Variants in FILIP1 observed in about 807,000 individuals in gnomAD.
The protein encoded by FILIP1 is filamin A interacting protein 1.
FILIP1 carries 61 observed loss-of-function variants against 102.1 expected under a neutral mutation model. The observed-to-expected ratio is 0.60, with a 90% CI of 0.49 to 0.74. FILIP1 has a LOEUF of 0.74. Ranked by LOEUF, FILIP1 falls within the 30% of genes least tolerant of loss-of-function variation. FILIP1 has a pLI of 0.00. For synonymous variants in FILIP1, 491 were observed against 526.9 expected (o/e 0.93, Z 0.93); for missense variants, 1,314 against 1,441.2 (o/e 0.91, Z 1.43).
At chr6:75,460,357 G>A (rs921659908) in intron 1 of FILIP1, among the ~76,000 whole-genome samples, 4 of 152,032 alleles carry the variant, frequency 2.6e-5, no homozygotes, top group East Asian at 1.9e-4. Context: ...AAAGGTATTC[G>A]GCTCTTAATA....
chr6:75,460,440 GA>G (rs1222975393), intron 1 of FILIP1, among the ~76,000 whole-genome samples: 1 of 152,040 alleles, frequency 6.6e-6, no homozygotes, highest in Non-Finnish European at 1.5e-5. Context: ...ATTATTTGGG[GA>G]AAAATCTATT....
chr6:75,327,626 T>A (rs1773914596), intron 4 of FILIP1, among the ~76,000 whole-genome samples: 1 of 150,440 alleles, frequency 6.6e-6, no homozygotes, highest in Non-Finnish European at 1.5e-5. Flanking sequence ...TTCAAAACAC[T>A]CTCCAGATCT....
intron 4 of FILIP1, among the ~76,000 whole-genome samples, chr6:75,352,328 G>A (rs1312913179): frequency 6.6e-6 from 1 of 152,102 alleles, no homozygotes; most frequent in East Asian, 1.9e-4. Context: ...TCAAAGCATG[G>A]GGATTCAATA....
chr6:75,469,454 T>A (rs1779268887), intron 1 of FILIP1, among the ~76,000 whole-genome samples: 1 of 151,938 alleles, frequency 6.6e-6, no homozygotes, highest in Non-Finnish European at 1.5e-5. Context: ...TATTCAAATA[T>A]ACTCCCCTCT....
rs191431789 is a variant in FILIP1 at position 75,317,561 on chromosome 6, G to A, written c.630-2359C>T. Among the ~76,000 whole-genome samples, 8 of 152,230 alleles carry A rather than the reference G, an allele frequency of 5.3e-5. No homozygotes were observed. In the East Asian group the frequency reaches 1.5e-3, roughly 29 times the overall value. On this transcript the variant is annotated intron_variant, in intron 4 of 5. Transcript: ENST00000237172. ...CCTGTCTTTGATAGTAAAACTTGGG[G>A]CACTAATGTTTCAGCCAGAGAAAAG... is the stretch of plus-strand genomic sequence containing the variant.
intron 4 of FILIP1, among the ~76,000 whole-genome samples, chr6:75,335,207 T>C (rs1203141934): frequency 6.6e-6 from 1 of 152,148 alleles, no homozygotes; most frequent in Non-Finnish European, 1.5e-5. Flanking sequence ...AGGTACATGG[T>C]ATCTAAATGA....
At chr6:75,374,513 G>A (rs1775688164) in intron 2 of FILIP1, among the ~76,000 whole-genome samples, 1 of 152,142 alleles carries the variant, frequency 6.6e-6, no homozygotes, top group Non-Finnish European at 1.5e-5. Flanking sequence ...TGAGTAGCTG[G>A]GACTACAGGC....
intron 6 of FILIP1, among the ~76,000 whole-genome samples, chr6:75,301,060 G>A (rs931142424): frequency 4.5e-4 from 68 of 152,140 alleles, no homozygotes; most frequent in African/African-American, 1.5e-3. Context: ...GCATGCTGAG[G>A]TTCTACTCTT....
At position 75,320,529 on chromosome 6, in the gene FILIP1, A is replaced by T. The variant is rs1582337901; in HGVS notation, c.630-5327T>A. ...GAGGCAGAGGTTGCAGTGAGCCGAGATCACATCACTGCACTCCATCCCGGG... is the reference window on the plus strand; with the variant it reads ...GAGGCAGAGGTTGCAGTGAGCCGAGTTCACATCACTGCACTCCATCCCGGG... On this transcript the variant is annotated intron_variant, in intron 4 of 5. Coordinates refer to ENST00000237172, the MANE Select transcript of FILIP1 (RefSeq NM_015687.5). 2.6e-5 allele frequency among the ~76,000 whole-genome samples: 4 copies of T among 152,346 alleles called. No individual in the cohort carries two copies. The East Asian group carries it at 7.7e-4, about 29-fold the overall frequency.
At chr6:75,479,622 A>G (rs890671952) in intron 1 of FILIP1, among the ~76,000 whole-genome samples, 6 of 151,516 alleles carry the variant, frequency 4.0e-5, no homozygotes, top group Non-Finnish European at 7.4e-5. Context: ...TAATCCCAGC[A>G]CTTTGGGAGG....
At chr6:75,384,068 T>C (rs1775996882) in intron 2 of FILIP1, among the ~76,000 whole-genome samples, 1 of 152,210 alleles carries the variant, frequency 6.6e-6, no homozygotes, top group Non-Finnish European at 1.5e-5. Flanking sequence ...TATTTCATTT[T>C]CAATAAATTA....
chr6:75,331,620 C>A (rs1287106908), intron 4 of FILIP1, among the ~76,000 whole-genome samples: 2 of 152,118 alleles, frequency 1.3e-5, no homozygotes, highest in East Asian at 3.9e-4. Flanking sequence ...TCGGCCTTCC[C>A]AATACCCTTC....
chr6:75,412,109 T>C (rs1777091473), intron 2 of FILIP1, among the ~76,000 whole-genome samples: 2 of 152,320 alleles, frequency 1.3e-5, no homozygotes, highest in African/African-American at 4.8e-5. Flanking sequence ...TGTTTTGTAG[T>C]TCTCCTTGAA....
At chr6:75,452,284 G>A (rs1168780673) in intron 1 of FILIP1, among the ~76,000 whole-genome samples, 2 of 151,732 alleles carry the variant, frequency 1.3e-5, no homozygotes, top group East Asian at 3.9e-4. Context: ...ACAGTCCCCG[G>A]TGTGTGATAT....
At chr6:75,382,555 A>C (rs1216494976) in intron 2 of FILIP1, among the ~76,000 whole-genome samples, 1 of 152,192 alleles carries the variant, frequency 6.6e-6, no homozygotes, top group African/African-American at 2.4e-5. Flanking sequence ...TGTGCTTGCT[A>C]TTCTTAAACT....
intron 5 of FILIP1, among the ~76,000 whole-genome samples, chr6:75,312,011 G>A (rs1021498590): frequency 6.6e-6 from 1 of 151,892 alleles, no homozygotes; most frequent in African/African-American, 2.4e-5. Flanking sequence ...CATAACCTAG[G>A]AGCAATTTTA....
downstream of FILIP1, among the ~76,000 whole-genome samples, chr6:75,304,534 T>C (rs944700850): frequency 6.6e-6 from 1 of 152,258 alleles, no homozygotes; most frequent in South Asian, 2.1e-4. Flanking sequence ...ATATTTAAAT[T>C]TGCACTGCAA....
chr6:75,331,509 C>T (rs939391355), intron 4 of FILIP1, among the ~76,000 whole-genome samples: 1 of 152,146 alleles, frequency 6.6e-6, no homozygotes, highest in African/African-American at 2.4e-5. Flanking sequence ...TATTGCAAGG[C>T]TATGTTAAAT....
At chr6:75,435,168 C>T (rs1225938813) in intron 1 of FILIP1, among the ~76,000 whole-genome samples, 2 of 152,138 alleles carry the variant, frequency 1.3e-5, no homozygotes, top group African/African-American at 4.8e-5. Flanking sequence ...GTGTCTCTGC[C>T]AGGCTTTGGT....
Sources: allele counts gnomAD v4.1 joint callset (sites outside exome capture counted in the v4.1 genomes callset), GRCh38; gene constraint gnomAD v4.1.1; transcripts MANE v1.5; gene names NCBI Gene and HGNC (gene_info 2026-07-23, HGNC 2026-07-21).